The following RNF128 variants were observed in gnomAD, a reference collection of about 807,000 sequenced individuals.
The protein encoded by RNF128 is ring finger protein 128.
In RNF128, 13 loss-of-function variants were observed where a neutral mutation model predicts 26.2. The ratio of observed to expected loss-of-function variants is 0.50; its 90% CI spans 0.32 to 0.79. The LOEUF (loss-of-function observed/expected upper bound fraction) is 0.79. Among genes scored for constraint, RNF128 ranks in the 30% least tolerant of loss-of-function variants. RNF128 has a pLI of 0.03. For synonymous variants in RNF128, 149 were observed against 142.5 expected, an observed-to-expected ratio of 1.05 and a Z score of -0.32; for missense variants, 315 against 349.7, an observed-to-expected ratio of 0.90 and a Z score of 0.79.
intron 4 of RNF128, 71 bp from the exon 5 acceptor site, chrX:106,790,115 A>G (rs1341070679): frequency 3.3e-6 from 2 of 597,844 alleles, no homozygotes; most frequent in African/African-American, 4.5e-5. Flanking sequence ...TACACTAAGT[A>G]ATCTGTTAAT....
At chrX:106,695,890 T>C (rs1328501907) in intron 1 of RNF128, among the ~76,000 whole-genome samples, 1 of 111,699 alleles carries the variant, frequency 9.0e-6, no homozygotes, top group Non-Finnish European at 1.9e-5. Flanking sequence ...TTCAAAACTT[T>C]CTTTGCAACC....
intron 1 of RNF128, among the ~76,000 whole-genome samples, chrX:106,712,041 A>G (rs892032609): frequency 3.6e-5 from 4 of 112,528 alleles, no homozygotes; most frequent in Non-Finnish European, 5.6e-5. Flanking sequence ...AAGTTTTGCC[A>G]TTAATTTAAT....
At position 106,726,712 on chromosome X, in the gene RNF128, G is replaced by T; in HGVS notation, c.-202G>T. 3 of 1,032,020 alleles carry T rather than the reference G, an allele frequency of 2.9e-6. No individual in the cohort carries two copies. Among genetic ancestry groups the T allele is most frequent in the Non-Finnish European group, 3.7e-6 (3 of 814,039 alleles). 85.1% of individuals were successfully genotyped at this position (1,032,020 alleles called of 1,213,427 possible). ...CCGACGCGGCAGCCGCGGTAGCGGAGAAGACTGGAGCTCCGAGGAGCTGCA... is the reference window on the plus strand; with the variant it reads ...CCGACGCGGCAGCCGCGGTAGCGGATAAGACTGGAGCTCCGAGGAGCTGCA... On this transcript the variant is annotated 5_prime_UTR_variant, in exon 1 of 7. Transcript: ENST00000255499.
chrX:106,717,583 G>T (rs1929239953), intron 1 of RNF128, among the ~76,000 whole-genome samples: 1 of 112,064 alleles, frequency 8.9e-6, no homozygotes, highest in South Asian at 3.7e-4. Flanking sequence ...GTAGGACTTT[G>T]TAGACAGCAG....
intron 3 of RNF128, among the ~76,000 whole-genome samples, chrX:106,786,983 C>T (rs1358444208): frequency 9.0e-6 from 1 of 111,336 alleles, no homozygotes; most frequent in Non-Finnish European, 1.9e-5. Flanking sequence ...GCAACTGGTA[C>T]ACTCATTCAT....
Position 106,785,113 on chromosome X carries a change from C to A in RNF128, c.781C>A (p.Arg261Ser), listed in dbSNP as rs750124343. Reference sequence around the variant, plus strand: ...AAAAGCTATTGGAAGGCTTCAACTACGCACACTGAAACAAGGAGACAAGGT... The same window carrying A: ...AAAAGCTATTGGAAGGCTTCAACTAAGCACACTGAAACAAGGAGACAAGGT... The part of the protein sequence containing the change: ...AKKAIGRLQL[R>S]TLKQGDKEIG... Residue 261 changes from arginine (R) to serine (S), a missense_variant, in exon 3 of 7, where the codon CGC (arginine) becomes AGC (serine). Coordinates refer to ENST00000255499, the MANE Select transcript of RNF128 (RefSeq NM_194463.2). 1 of 1,185,143 alleles carries A rather than the reference C, an allele frequency of 8.4e-7. No homozygotes were observed. The highest frequency in any genetic ancestry group is 1.1e-6 in the Non-Finnish European group (1 of 884,594).
At chrX:106,772,881 CA>C in intron 1 of RNF128, 31 bp from the exon 2 acceptor site, 1 of 1,181,140 alleles carries the variant, frequency 8.5e-7, no homozygotes, top group Non-Finnish European at 1.1e-6. Context: ...AATGTTTCAC[CA>C]AACTAAAACT....
chrX:106,727,507 T>C, intron 1 of RNF128, 110 bp downstream of exon 1: 1 of 984,928 alleles, frequency 1.0e-6, no homozygotes, highest in Non-Finnish European at 1.4e-6. Context: ...GGAAAGTGGG[T>C]GCTCTTTCTG....
intron 1 of RNF128, among the ~76,000 whole-genome samples, chrX:106,732,846 T>TAAA (rs1475717247): frequency 8.9e-6 from 1 of 111,792 alleles, no homozygotes; most frequent in Non-Finnish European, 1.9e-5. Context: ...TACACCAGCA[T>TAAA]TATATTTATG....
At chrX:106,790,988 T>A in intron 5 of RNF128, 78 bp from the exon 6 acceptor site, 1 of 928,389 alleles carries the variant, frequency 1.1e-6, no homozygotes, top group East Asian at 3.1e-5. Context: ...GAGTCACCTA[T>A]AAAGAAACTT....
At chrX:106,771,066 C>T (rs1225309893) in intron 1 of RNF128, among the ~76,000 whole-genome samples, 1 of 112,400 alleles carries the variant, frequency 8.9e-6, no homozygotes, top group Non-Finnish European at 1.9e-5. Context: ...GGCTGCAGAA[C>T]AGCAAATATT....
chrX:106,735,770 T>C (rs1602372664), intron 1 of RNF128, among the ~76,000 whole-genome samples: 1 of 111,542 alleles, frequency 9.0e-6, no homozygotes, highest in East Asian at 2.8e-4. Context: ...ATAGTTGGTG[T>C]TACCTTTTAT....
At chrX:106,719,153 A>ATTATCCAG (rs1929268433) in intron 1 of RNF128, among the ~76,000 whole-genome samples, 1 of 111,956 alleles carries the variant, frequency 8.9e-6, no homozygotes. Flanking sequence ...CTTATTAGAA[A>ATTATCCAG]TTATCCAGTT....
intron 1 of RNF128, among the ~76,000 whole-genome samples, chrX:106,748,189 C>T (rs1462755857): frequency 3.6e-5 from 4 of 112,105 alleles, no homozygotes; most frequent in Non-Finnish European, 7.5e-5. Context: ...AAGTGGAAAA[C>T]TCTAGAACTT....
intron 1 of RNF128, among the ~76,000 whole-genome samples, chrX:106,713,330 G>A (rs1462427803): frequency 9.1e-6 from 1 of 109,551 alleles, no homozygotes; most frequent in African/African-American, 3.4e-5. Context: ...CCAACAGGGC[G>A]AAACCCCGTC....
At chrX:106,707,516 A>G (rs1260970266) in intron 1 of RNF128, among the ~76,000 whole-genome samples, 1 of 111,356 alleles carries the variant, frequency 9.0e-6, no homozygotes, top group Non-Finnish European at 1.9e-5. Context: ...TGTTTTTACC[A>G]CTAAAATAAT....
At chrX:106,714,372 T>C (rs1411238035) in intron 1 of RNF128, among the ~76,000 whole-genome samples, 1 of 111,478 alleles carries the variant, frequency 9.0e-6, no homozygotes, top group African/African-American at 3.3e-5. Context: ...TGTATTCCTC[T>C]TTTTTAAAAA....
intron 1 of RNF128, among the ~76,000 whole-genome samples, chrX:106,762,852 C>T (rs895613677): frequency 1.1e-4 from 12 of 109,786 alleles, no homozygotes; most frequent in Admixed American, 7.9e-4. Context: ...AAGGGAACAA[C>T]GGACACCGGG....
At chrX:106,772,038 G>C (rs1215845469) in intron 1 of RNF128, among the ~76,000 whole-genome samples, 1 of 111,731 alleles carries the variant, frequency 9.0e-6, no homozygotes, top group Non-Finnish European at 1.9e-5. Context: ...TAAGATTATT[G>C]GTCTCAGGTC....
Sources: gnomAD v4.1 joint callset for allele counts (sites outside exome capture counted in the v4.1 genomes callset) on GRCh38, gnomAD v4.1.1 for gene constraint, MANE v1.5 for transcripts, NCBI Gene and HGNC (gene_info 2026-07-23, HGNC 2026-07-21) for gene names.